Variants in FAM162A observed in about 807,000 individuals in gnomAD.
FAM162A encodes the protein protein FAM162A.
Under a neutral mutation model 21.8 loss-of-function variants are expected in FAM162A, and 23 were observed. The ratio of observed to expected loss-of-function variants is 1.05; its 90% CI spans 0.76 to 1.49. The LOEUF is 1.49. FAM162A is among the 40% of genes most tolerant of loss of function. FAM162A has a pLI of 0.00. For missense variants in FAM162A, 165 were observed against 186.4 expected, an observed-to-expected ratio of 0.89 and a Z score of 0.67; for synonymous variants, 53 against 61.3, an observed-to-expected ratio of 0.86 and a Z score of 0.64.
intron 2 of FAM162A, among the ~76,000 whole-genome samples, 154 bp downstream of exon 2, chr3:122,403,036 C>G (rs1576252061): frequency 1.3e-5 from 2 of 152,200 alleles, no homozygotes; most frequent in South Asian, 4.1e-4. Flanking sequence ...TGCACATGAC[C>G]AATATGAGCA....
chr3:122,399,614 G>GAACATTTAT (rs1409460514), intron 1 of FAM162A, among the ~76,000 whole-genome samples: 4 of 152,144 alleles, frequency 2.6e-5, no homozygotes, highest in Non-Finnish European at 5.9e-5. Flanking sequence ...CTTCATGATA[G>GAACATTTAT]AACATTTATA....
intron 1 of FAM162A, among the ~76,000 whole-genome samples, chr3:122,396,280 A>G (rs1194440551): frequency 6.6e-6 from 1 of 152,182 alleles, no homozygotes; most frequent in African/African-American, 2.4e-5. Flanking sequence ...CAGATAAGGA[A>G]AGAACTCTTA....
At chr3:122,395,056 C>G (rs940960843) in intron 1 of FAM162A, among the ~76,000 whole-genome samples, 3 of 152,172 alleles carry the variant, frequency 2.0e-5, no homozygotes, top group African/African-American at 4.8e-5. Flanking sequence ...AAGCATTTGA[C>G]AAAATGCAAC....
At chr3:122,403,990 C>T (rs1396995837) in intron 2 of FAM162A, among the ~76,000 whole-genome samples, 2 of 152,168 alleles carry the variant, frequency 1.3e-5, no homozygotes, top group African/African-American at 4.8e-5. Flanking sequence ...CATTCAAGAT[C>T]TGGTAAAATC....
At chr3:122,405,345 A>G (rs994020166) in intron 3 of FAM162A, among the ~76,000 whole-genome samples, 27 of 152,260 alleles carry the variant, frequency 1.8e-4, no homozygotes, top group African/African-American at 6.3e-4. Context: ...AATATGTAGT[A>G]TTTACTTTCT....
intron 4 of FAM162A, 139 bp downstream of exon 4, chr3:122,407,528 A>T (rs1490310729): frequency 6.6e-6 from 4 of 603,694 alleles, no homozygotes; most frequent in African/African-American, 1.8e-5. Flanking sequence ...TAAGCAAAAA[A>T]ATAAGACATA....
At chr3:122,401,238 A>C (rs191550180) in intron 1 of FAM162A, 23 of 269,442 alleles carry the variant, frequency 8.5e-5, no homozygotes, top group African/African-American at 5.3e-4. Context: ...AAGTAGAATT[A>C]CAATTTTATG....
Position 122,411,279 on chromosome 3 carries a change from ATGTC to A in FAM162A, c.*1454_*1457del, listed in dbSNP as rs1258886337. On this transcript the variant is annotated 3_prime_UTR_variant, in exon 5 of 5. Transcript: ENST00000477892. Reference sequence around the variant, plus strand: ...GATAATCTATCTGAGGATGTTTATGATGTCTGTCTATATACTTTAATTTGGCCTT... The same window carrying A: ...GATAATCTATCTGAGGATGTTTATGATGTCTATATACTTTAATTTGGCCTT... The A allele has an allele frequency of 4.6e-5, 7 of 152,208 alleles. No individual in the cohort carries two copies. The highest frequency in any genetic ancestry group is 1.4e-4 in the African/African-American group (6 of 41,454). 9.4% of individuals were successfully genotyped at this position (152,208 alleles called of 1,614,324 possible). A position where few individuals can be genotyped will look rare whatever the true frequency, so the allele number is the denominator to read the frequency against.
intron 1 of FAM162A, among the ~76,000 whole-genome samples, chr3:122,394,540 A>G (rs765361341): frequency 1.3e-5 from 2 of 152,212 alleles, no homozygotes; most frequent in Non-Finnish European, 2.9e-5. Flanking sequence ...CATAAACCAG[A>G]TGAAATGGAC....
chr3:122,394,386 CG>C (rs1437014877), intron 1 of FAM162A, among the ~76,000 whole-genome samples: 1 of 152,140 alleles, frequency 6.6e-6, no homozygotes, highest in Non-Finnish European at 1.5e-5. Flanking sequence ...ACACACAGCC[CG>C]TAGGCAAACA....
intron 1 of FAM162A, among the ~76,000 whole-genome samples, chr3:122,388,480 T>C (rs1271786466): frequency 2.6e-5 from 4 of 152,100 alleles, no homozygotes; most frequent in Non-Finnish European, 4.4e-5. Context: ...TAGTCTGGAG[T>C]TGATTTTTAA....
chr3:122,403,103 C>T lies in FAM162A; in HGVS notation c.157+221C>T, dbSNP rs533010803. Among the ~76,000 whole-genome samples the T allele has an allele frequency of 2.0e-5, 3 of 152,282 alleles. No homozygotes were observed. In the East Asian group the frequency reaches 5.8e-4, roughly 29 times the overall value. On this transcript the variant is annotated intron_variant, in intron 2 of 4. Transcript: ENST00000477892. ...CCTACATCATACCTCCCATGTTTTA[C>T]TCATATGCAGGCCCATCTTCCTACA... is the stretch of plus-strand genomic sequence containing the variant.
intron 1 of FAM162A, among the ~76,000 whole-genome samples, chr3:122,392,559 A>G (rs1157511956): frequency 6.6e-6 from 1 of 152,260 alleles, no homozygotes; most frequent in Non-Finnish European, 1.5e-5. Flanking sequence ...CAGAACCAGC[A>G]TAGCAGCATC....
At chr3:122,391,030 C>T (rs1353663187) in intron 1 of FAM162A, among the ~76,000 whole-genome samples, 1 of 152,128 alleles carries the variant, frequency 6.6e-6, no homozygotes, top group East Asian at 1.9e-4. Flanking sequence ...CTGGCTTGGA[C>T]GTCTGGTCAA....
intron 1 of FAM162A, among the ~76,000 whole-genome samples, chr3:122,389,392 TA>T (rs2075589337): frequency 8.7e-6 from 1 of 115,464 alleles, no homozygotes; most frequent in African/African-American, 3.2e-5. Context: ...GATAGATAGA[TA>T]GATAGATAGA....
chr3:122,390,076 A>G (rs921610763), intron 1 of FAM162A, among the ~76,000 whole-genome samples: 7 of 152,160 alleles, frequency 4.6e-5, no homozygotes, highest in African/African-American at 1.7e-4. Context: ...TCAAAGTTAC[A>G]GTGAGCTATG....
At chr3:122,390,436 A>G (rs905127002) in intron 1 of FAM162A, among the ~76,000 whole-genome samples, 8 of 152,180 alleles carry the variant, frequency 5.3e-5, no homozygotes, top group Admixed American at 1.3e-4. Flanking sequence ...GAGAGTTGTC[A>G]TATCTCCAGT....
intron 1 of FAM162A, among the ~76,000 whole-genome samples, chr3:122,390,781 T>TC: frequency 6.6e-6 from 1 of 152,172 alleles, no homozygotes; most frequent in South Asian, 2.1e-4. Flanking sequence ...TTTCACAGGG[T>TC]CCCCCAGGTG....
intron 3 of FAM162A, among the ~76,000 whole-genome samples, chr3:122,406,581 T>C (rs2107701190): frequency 6.6e-6 from 1 of 152,378 alleles, no homozygotes; most frequent in African/African-American, 2.4e-5. Flanking sequence ...GAGCTGCACT[T>C]TGGCACTTGC....
Sources: gnomAD v4.1 joint callset for allele counts (sites outside exome capture counted in the v4.1 genomes callset) on GRCh38, gnomAD v4.1.1 for gene constraint, MANE v1.5 for transcripts, NCBI Gene and HGNC (gene_info 2026-07-23, HGNC 2026-07-21) for gene names.